The following BLNK variants were observed in gnomAD, a reference collection of about 807,000 sequenced individuals.
The protein encoded by BLNK is B cell linker, also known as B-cell linker protein.
A neutral mutation model predicts 73.5 loss-of-function variants in BLNK; 29 were observed. The ratio of observed to expected loss-of-function variants is 0.39; its 90% CI spans 0.29 to 0.54. The LOEUF (loss-of-function observed/expected upper bound fraction) is 0.54, where lower values mean the gene tolerates loss of function less well. Among genes scored for constraint, BLNK ranks in the 20% least tolerant of loss-of-function variants. The pLI, the probability that BLNK is intolerant of heterozygous loss-of-function variation, is 0.61. For synonymous variants in BLNK, 176 were observed against 200.8 expected (o/e 0.88, Z 1.04); for missense variants, 460 against 562.8 (o/e 0.82, Z 1.85).
intron 3 of BLNK, among the ~76,000 whole-genome samples, chr10:96,238,664 G>C (rs1487510421): frequency 2.0e-5 from 3 of 152,210 alleles, no homozygotes; most frequent in Non-Finnish European, 4.4e-5. Context: ...GTGGGGGAGA[G>C]AACGGCAAGG....
In BLNK at chr10:96,234,810, C is replaced by T. The variant is rs11816913; in HGVS notation, c.164-3976G>A. ...CCACAAAGGCATGGATCCAAGAAAG[C>T]CTCTATTGTAGTGAGTAAAATTTGG... On this transcript the variant is annotated intron_variant, in intron 3 of 16. Transcript: ENST00000224337. 9.3e-3 allele frequency among the ~76,000 whole-genome samples: 1,421 copies of T among 152,316 alleles called. 21 individuals are homozygous for T. The highest frequency in any genetic ancestry group is 0.032 in the African/African-American group (1,329 of 41,548).
intron 9 of BLNK, among the ~76,000 whole-genome samples, chr10:96,208,575 CTG>C (rs1564819845): frequency 6.6e-6 from 1 of 152,182 alleles, no homozygotes; most frequent in Non-Finnish European, 1.5e-5. Context: ...TTGTGGAACA[CTG>C]TAAGTCAATG....
intron 5 of BLNK, among the ~76,000 whole-genome samples, chr10:96,227,140 G>GTTGT (rs3841593): frequency 0.01 from 1,531 of 151,214 alleles, 13 homozygotes; most frequent in African/African-American, 0.022. Context: ...TGCTGGGTTT[G>GTTGT]TTGTTTGTTT....
intron 4 of BLNK, 132 bp from the exon 5 acceptor site, chr10:96,227,698 A>G: frequency 7.1e-7 from 1 of 1,403,390 alleles, no homozygotes. Flanking sequence ...TCAAAAGGCT[A>G]GGCAGCCGAT....
intron 8 of BLNK, among the ~76,000 whole-genome samples, chr10:96,210,486 C>A (rs1272057746): frequency 1.3e-5 from 2 of 152,244 alleles, no homozygotes; most frequent in Admixed American, 1.3e-4. Flanking sequence ...CCTTAATGGA[C>A]AAATTGAGAC....
chr10:96,197,136 T>C, intron 15 of BLNK, 73 bp from the exon 16 acceptor site: 1 of 1,260,826 alleles, frequency 7.9e-7, no homozygotes. Context: ...AAAAATCATT[T>C]TGTGAAGAAC....
Position 96,190,157 on chromosome 10 carries a change from C to T in BLNK, c.*1816G>A. 1.1e-6 allele frequency: 1 copy of T among 926,470 alleles called. No individual in the cohort carries two copies. Among genetic ancestry groups the T allele is most frequent in the South Asian group, 1.3e-5 (1 of 77,562 alleles). The allele number at this position is 926,470 out of a possible 1,614,324, so 57.4% of individuals were successfully genotyped here. On this transcript the variant is annotated 3_prime_UTR_variant, in exon 17 of 17. Coordinates refer to ENST00000224337, the MANE Select transcript of BLNK (RefSeq NM_013314.4). ...TGATCATCTTTGTCGGCCTTTAGTTCACAACTGAAAAGATAGTTCTGGGCC... is the reference window on the plus strand; with the variant it reads ...TGATCATCTTTGTCGGCCTTTAGTTTACAACTGAAAAGATAGTTCTGGGCC...
intron 1 of BLNK, among the ~76,000 whole-genome samples, chr10:96,260,848 C>T (rs1843723019): frequency 6.9e-6 from 1 of 145,532 alleles, no homozygotes; most frequent in African/African-American, 2.5e-5. Context: ...GAAGCAATAT[C>T]TTTTTTTTTT....
intron 3 of BLNK, among the ~76,000 whole-genome samples, chr10:96,235,937 G>A (rs1015676090): frequency 2.6e-5 from 4 of 151,960 alleles, no homozygotes; most frequent in Non-Finnish European, 2.9e-5. Flanking sequence ...AGTGGACACC[G>A]CAGGCTCCAG....
At chr10:96,232,411 TG>T in intron 3 of BLNK, among the ~76,000 whole-genome samples, 1 of 152,284 alleles carries the variant, frequency 6.6e-6, no homozygotes, top group Admixed American at 6.5e-5. Context: ...TTTATGTTTT[TG>T]CTATTTCTAC....
chr10:96,223,752 C>G (rs919889910), intron 6 of BLNK, 74 bp downstream of exon 6: 4 of 1,549,956 alleles, frequency 2.6e-6, no homozygotes. Context: ...GGACAGCCAG[C>G]GGGCAGGCTG....
At chr10:96,263,805 G>A (rs1843869058) in intron 1 of BLNK, among the ~76,000 whole-genome samples, 1 of 152,188 alleles carries the variant, frequency 6.6e-6, no homozygotes, top group Non-Finnish European at 1.5e-5. Flanking sequence ...CAGTGAAGAG[G>A]AGCAACCTCC....
chr10:96,247,387 G>A (rs782183044), intron 1 of BLNK, among the ~76,000 whole-genome samples: 27 of 152,204 alleles, frequency 1.8e-4, no homozygotes, highest in Admixed American at 6.5e-4. Context: ...GGACATAGCA[G>A]AGGCTTCAAT....
chr10:96,192,273 G>C (rs1248570487), intron 16 of BLNK, among the ~76,000 whole-genome samples, 181 bp from the exon 17 acceptor site: 2 of 152,170 alleles, frequency 1.3e-5, no homozygotes, highest in Non-Finnish European at 2.9e-5. Flanking sequence ...CTTGGACTTT[G>C]CTGTATTAAG....
intron 16 of BLNK, among the ~76,000 whole-genome samples, chr10:96,193,588 A>G (rs777654326): frequency 8.7e-4 from 132 of 152,342 alleles, no homozygotes; most frequent in Non-Finnish European, 1.1e-3. Flanking sequence ...AGAATTGGGC[A>G]TAACATAGTT....
In BLNK at chr10:96,207,634, G is replaced by A. The variant is rs1053625670; in HGVS notation, c.774+238C>T. On this transcript the variant is annotated intron_variant, in intron 10 of 16. Transcript: ENST00000224337. ...CCTGGCTGCCCCTCTGATCTGCTGC[G>A]CACACTCAGTGAAGCTGCTGGGATC... Among the ~76,000 whole-genome samples, 16 of 152,194 alleles carry A rather than the reference G, an allele frequency of 1.1e-4. No individual in the cohort carries two copies. The South Asian group carries it at 2.1e-3, about 20-fold the overall frequency.
chr10:96,204,069 T>C lies in BLNK; in HGVS notation c.922A>G (p.Ile308Val). 1 of 1,613,862 alleles carries C rather than the reference T, an allele frequency of 6.2e-7. No homozygotes were observed. Among genetic ancestry groups the C allele is most frequent in the Non-Finnish European group, 8.5e-7 (1 of 1,179,740 alleles). ...TCGTTGTACTTACTTGGCAGAGGTA[T>C]GGGTTTTTGGTGGATTTGTCTGCAA... ...PAQKQIHQKP[I>V]PLPRFTEGGN... Residue 308 changes from isoleucine to valine, a missense_variant, in exon 13 of 17, where the codon ATA becomes GTA. Physicochemically the swap from Ile to Val is conservative, Grantham distance 29. Around this residue, in one of 3 missense-constraint regions of BLNK, gnomAD observed 233 missense variants for 232.1 expected, o/e 1.00. Transcript: ENST00000224337.
intron 6 of BLNK, 116 bp downstream of exon 6, chr10:96,223,709 AG>A: frequency 8.1e-7 from 1 of 1,241,796 alleles, no homozygotes. Flanking sequence ...GGAGAGTTAG[AG>A]GGGGCAGTCA....
chr10:96,270,053 C>T (rs782027686), intron 1 of BLNK, among the ~76,000 whole-genome samples: 3 of 152,182 alleles, frequency 2.0e-5, no homozygotes, highest in African/African-American at 2.4e-5. Flanking sequence ...GTATCACCCC[C>T]GCCCCTCATG....
Sources: allele counts gnomAD v4.1 joint callset (sites outside exome capture counted in the v4.1 genomes callset), GRCh38; gene constraint gnomAD v4.1.1; regional missense constraint gnomAD v4.1.1; transcripts MANE v1.5; gene names NCBI Gene and HGNC (gene_info 2026-07-23, HGNC 2026-07-21).